Variants in SDK2 observed in about 807,000 individuals in gnomAD.
SDK2 encodes the protein protein sidekick-2.
In SDK2, 105 loss-of-function variants were observed where a neutral mutation model predicts 253.9. The ratio of observed to expected loss-of-function variants is 0.41; its 90% CI spans 0.35 to 0.49. The LOEUF (loss-of-function observed/expected upper bound fraction) is 0.49, where lower values mean the gene tolerates loss of function less well. SDK2 is among the 20% of genes least tolerant of loss of function. SDK2 has a pLI of 0.06. For missense variants in SDK2, 2,608 were observed against 3,003.0 expected (o/e 0.87, Z 3.07); for synonymous variants, 1,249 against 1,234.9 (o/e 1.01, Z -0.24).
chr17:73,631,265 G>A (rs2046266828), intron 1 of SDK2, among the ~76,000 whole-genome samples: 1 of 152,168 alleles, frequency 6.6e-6, no homozygotes, highest in African/African-American at 2.4e-5. Flanking sequence ...CGGTCTGCCG[G>A]CCAACCCGCT....
rs1238699914 is a variant in SDK2 at position 73,639,959 on chromosome 17, CATTAGTCCTTA to C, written c.64+4055_64+4065del. On this transcript the variant is annotated intron_variant, in intron 1 of 44. Transcript: ENST00000392650. This position sits in a 1 kb window ranked among gnomAD's most constrained non-coding sequence, Gnocchi z 4.3. Reference sequence around the variant, plus strand: ...CTTTCAAGTCAAATGCAATGATTCCCATTAGTCCTTAGGACAGAAGATAAGCCCATTCTCCC... The same window carrying C: ...CTTTCAAGTCAAATGCAATGATTCCCGGACAGAAGATAAGCCCATTCTCCC... Among the ~76,000 whole-genome samples the C allele has an allele frequency of 6.6e-6, 1 of 152,106 alleles. No homozygotes were observed. The highest frequency in any genetic ancestry group is 6.6e-5 in the Admixed American group (1 of 15,262).
intron 1 of SDK2, among the ~76,000 whole-genome samples, chr17:73,508,315 G>A (rs541413672): frequency 6.3e-4 from 96 of 152,370 alleles, no homozygotes; most frequent in African/African-American, 2.1e-3. Flanking sequence ...CGGTTCTCTC[G>A]ACAGAGACCG....
chr17:73,579,914 G>A (rs1758144711), intron 1 of SDK2, among the ~76,000 whole-genome samples: 1 of 151,898 alleles, frequency 6.6e-6, no homozygotes, highest in Non-Finnish European at 1.5e-5. Context: ...GGAGGTGGAG[G>A]TGGCAGTGAG....
intron 2 of SDK2, among the ~76,000 whole-genome samples, chr17:73,488,697 G>A (rs1276950775): frequency 6.6e-6 from 1 of 152,016 alleles, no homozygotes; most frequent in Non-Finnish European, 1.5e-5. Flanking sequence ...CACACTGGGA[G>A]CCTTTTCCAA....
intron 6 of SDK2, among the ~76,000 whole-genome samples, chr17:73,439,851 G>A (rs1029571903): frequency 2.0e-5 from 3 of 152,160 alleles, no homozygotes; most frequent in African/African-American, 7.2e-5. Flanking sequence ...CATCCAGCTG[G>A]GTGACGTTGG....
Position 73,374,577 on chromosome 17 carries a change from T to C in SDK2, c.4980+4600A>G, listed in dbSNP as rs1399262254. ...CTGCCTTCTGGGTTCAAGGGATTCT[T>C]TTGCCTCAGCCTCCCCAGTAGCTGG... On this transcript the variant is annotated intron_variant, in intron 36 of 44. Coordinates refer to ENST00000392650, the MANE Select transcript of SDK2 (RefSeq NM_001144952.2). 9.7e-5 allele frequency among the ~76,000 whole-genome samples: 14 copies of C among 143,826 alleles called. 3 individuals are homozygous for C. The highest frequency in any genetic ancestry group is 3.4e-4 in the African/African-American group (12 of 35,814). 94.4% of individuals were successfully genotyped at this position (143,826 alleles called of 152,430 possible). A position where few individuals can be genotyped will look rare whatever the true frequency, so the allele number is the denominator to read the frequency against.
At chr17:73,348,548 G>A in intron 44 of SDK2, 51 bp downstream of exon 44, 6 of 1,594,476 alleles carry the variant, frequency 3.8e-6, no homozygotes, top group Non-Finnish European at 5.1e-6. Flanking sequence ...CCCCACTCTG[G>A]GAGGCGCTGC....
chr17:73,375,492 C>T (rs2062770389), intron 36 of SDK2, among the ~76,000 whole-genome samples: 1 of 152,090 alleles, frequency 6.6e-6, no homozygotes, highest in African/African-American at 2.4e-5. Flanking sequence ...AGCAATCCAC[C>T]CACCTCGGCC....
intron 1 of SDK2, among the ~76,000 whole-genome samples, chr17:73,530,229 GA>G (rs1205465891): frequency 3.3e-5 from 5 of 152,216 alleles, no homozygotes; most frequent in African/African-American, 1.2e-4. Flanking sequence ...ATAAAGTGAA[GA>G]GGTTTAATTG....
Position 73,348,199 on chromosome 17 carries a change from A to C in SDK2, c.6165+400T>G, listed in dbSNP as rs977820507. 3.3e-5 allele frequency among the ~76,000 whole-genome samples: 5 copies of C among 152,172 alleles called. No homozygotes were observed. In the East Asian group the frequency reaches 9.6e-4, roughly 29 times the overall value. On this transcript the variant is annotated intron_variant, in intron 44 of 44. Transcript: ENST00000392650. Reference sequence around the variant, plus strand: ...AAGCTGTTTTGATGCGTGAGTAGTGAAGCTGAGCATTTTTCCAGGTCTCTG... The same window carrying C: ...AAGCTGTTTTGATGCGTGAGTAGTGCAGCTGAGCATTTTTCCAGGTCTCTG...
intron 34 of SDK2, among the ~76,000 whole-genome samples, chr17:73,380,472 C>T (rs1024306744): frequency 3.7e-4 from 56 of 152,184 alleles, no homozygotes; most frequent in African/African-American, 1.3e-3. Flanking sequence ...ACTAAAACTG[C>T]TGTCACCTCC....
chr17:73,446,052 G>A (rs1326383858), intron 5 of SDK2, among the ~76,000 whole-genome samples: 1 of 152,116 alleles, frequency 6.6e-6, no homozygotes, highest in Non-Finnish European at 1.5e-5. Flanking sequence ...GCTGGATGCC[G>A]GAGAAGGGGA....
At chr17:73,528,666 C>T (rs1278280539) in intron 1 of SDK2, among the ~76,000 whole-genome samples, 4 of 152,186 alleles carry the variant, frequency 2.6e-5, no homozygotes, top group Non-Finnish European at 5.9e-5. Context: ...TGAGGCCTTC[C>T]ACTCCTCCAT....
intron 1 of SDK2, among the ~76,000 whole-genome samples, chr17:73,581,845 C>G (rs2145883335): frequency 6.6e-6 from 1 of 152,018 alleles, no homozygotes; most frequent in Admixed American, 6.6e-5. Flanking sequence ...AGGGGGCAGA[C>G]AGCCATTGGC....
intron 1 of SDK2, among the ~76,000 whole-genome samples, chr17:73,587,359 C>T (rs1207626538): frequency 1.3e-5 from 2 of 152,260 alleles, no homozygotes; most frequent in African/African-American, 4.8e-5. Context: ...GAGGACACAA[C>T]TGCCAGCCTT....
Position 73,440,827 on chromosome 17 carries a change from C to T in SDK2, c.710G>A (p.Cys237Tyr). The part of the protein sequence containing the change: ...VAGTSEVTLE[C>Y]VANARPLIKL... Reference sequence around the variant, plus strand: ...CACTACCTACCTGGCATTGGCCACACACTCCAAGGTAACCTCTGAGGTGCC... The same window carrying T: ...CACTACCTACCTGGCATTGGCCACATACTCCAAGGTAACCTCTGAGGTGCC... The change falls in exon 6 of 45, where the codon TGT becomes TAT. Residue 237 changes from cysteine to tyrosine, a missense_variant. Physicochemically the swap from Cys to Tyr is radical, Grantham distance 194 (BLOSUM62 -2). Coordinates refer to ENST00000392650, the MANE Select transcript of SDK2 (RefSeq NM_001144952.2). 1 of 1,551,360 alleles carries T rather than the reference C, an allele frequency of 6.4e-7. No individual in the cohort carries two copies. Among genetic ancestry groups the T allele is most frequent in the Non-Finnish European group, 8.7e-7 (1 of 1,146,652 alleles).
chr17:73,572,901 C>T (rs1011800243), intron 1 of SDK2, among the ~76,000 whole-genome samples: 2 of 152,150 alleles, frequency 1.3e-5, no homozygotes, highest in African/African-American at 2.4e-5. Context: ...CTCCCAGCGC[C>T]GTCAAACACC....
intron 38 of SDK2, among the ~76,000 whole-genome samples, chr17:73,362,631 TC>T (rs1288930369): frequency 6.6e-6 from 1 of 151,934 alleles, no homozygotes; most frequent in Non-Finnish European, 1.5e-5. Context: ...CCTCAAGTGA[TC>T]CTCCCACCTT....
intron 1 of SDK2, among the ~76,000 whole-genome samples, chr17:73,510,957 G>A (rs758126605): frequency 6.6e-5 from 10 of 152,114 alleles, no homozygotes; most frequent in Non-Finnish European, 1.0e-4. Flanking sequence ...CCCTTCCAGG[G>A]GCACTTGTGC....
Sources: allele counts gnomAD v4.1 joint callset (sites outside exome capture counted in the v4.1 genomes callset), GRCh38; gene constraint gnomAD v4.1.1; non-coding constraint Gnocchi (gnomAD v3.1); transcripts MANE v1.5; gene names NCBI Gene and HGNC (gene_info 2026-07-23, HGNC 2026-07-21).